Variants in HS6ST3 observed in about 807,000 individuals in gnomAD.
HS6ST3 encodes the protein heparan-sulfate 6-O-sulfotransferase 3.
HS6ST3 carries 12 observed loss-of-function variants against 36.7 expected under a neutral mutation model. The observed-to-expected ratio is 0.33, with a 90% confidence interval of 0.21 to 0.53. The LOEUF is 0.53. Among genes scored for constraint, HS6ST3 ranks in the 20% least tolerant of loss-of-function variants. The pLI is 0.95. For missense variants in HS6ST3, 584 were observed against 640.9 expected, an observed-to-expected ratio of 0.91 and a Z score of 0.96; for synonymous variants, 240 against 257.5, an observed-to-expected ratio of 0.93 and a Z score of 0.65.
At chr13:96,282,795 C>G (rs1051704725) in intron 1 of HS6ST3, among the ~76,000 whole-genome samples, 14 of 152,022 alleles carry the variant, frequency 9.2e-5, no homozygotes, top group African/African-American at 3.4e-4. Context: ...TCATGAAAAC[C>G]CGAGGCTGCA....
At chr13:96,752,492 T>C (rs1056351953) in intron 1 of HS6ST3, among the ~76,000 whole-genome samples, 1 of 152,214 alleles carries the variant, frequency 6.6e-6, no homozygotes, top group Admixed American at 6.5e-5. Context: ...ATTTTGCCTA[T>C]CTAGTGAATA....
At chr13:96,750,384 G>A (rs975639209) in intron 1 of HS6ST3, among the ~76,000 whole-genome samples, 1 of 152,196 alleles carries the variant, frequency 6.6e-6, no homozygotes, top group African/African-American at 2.4e-5. Context: ...TCCTGTCCCA[G>A]ACCACTCCTT....
At chr13:96,229,529 C>A (rs9590373) in intron 1 of HS6ST3, among the ~76,000 whole-genome samples, 75,297 of 151,962 alleles carry the variant, frequency 0.5, 18,806 homozygotes, top group Admixed American at 0.58. Context: ...GACAGGAAAC[C>A]CGCCCTCTAG....
At chr13:96,177,206 A>T (rs1238488756) in intron 1 of HS6ST3, among the ~76,000 whole-genome samples, 1 of 152,242 alleles carries the variant, frequency 6.6e-6, no homozygotes, top group Non-Finnish European at 1.5e-5. Flanking sequence ...TGTGGAAAGC[A>T]GTATGGCGAT....
rs138911292 is a variant in HS6ST3, at chr13:96,754,063, C to T, written c.708-78427C>T. Among the ~76,000 whole-genome samples, 612 of 152,264 alleles carry T rather than the reference C, an allele frequency of 4.0e-3. 3 individuals are homozygous for T. The highest frequency in any genetic ancestry group is 7.5e-3 in the Non-Finnish European group (510 of 68,006). ...CGAACTCCTGACCTCAAGTGATCCA[C>T]CTGCTTCGGCCTCCCAAAGTGCTGG... On this transcript the variant is annotated intron_variant, in intron 1 of 1. Transcript: ENST00000376705.
chr13:96,663,389 G>A (rs2056653171), intron 1 of HS6ST3, among the ~76,000 whole-genome samples: 1 of 152,124 alleles, frequency 6.6e-6, no homozygotes, highest in African/African-American at 2.4e-5. Context: ...TGGCTAATAA[G>A]TGCATAATAA....
At chr13:96,785,392 GATCAGTCAAA>G (rs1233193955) in intron 1 of HS6ST3, among the ~76,000 whole-genome samples, 44 of 151,780 alleles carry the variant, frequency 2.9e-4, no homozygotes, top group Admixed American at 2.9e-3. Context: ...AAATAACTCA[GATCAGTCAAA>G]ATCACACTTT....
intron 1 of HS6ST3, among the ~76,000 whole-genome samples, chr13:96,813,811 A>G (rs1335547553): frequency 6.6e-6 from 1 of 152,230 alleles, no homozygotes; most frequent in Admixed American, 6.5e-5. Flanking sequence ...AAACAAAAGA[A>G]TAGACACAGG....
intron 1 of HS6ST3, among the ~76,000 whole-genome samples, chr13:96,597,285 A>G (rs1292590162): frequency 6.6e-6 from 1 of 151,844 alleles, no homozygotes; most frequent in Non-Finnish European, 1.5e-5. Flanking sequence ...CACAAACGCT[A>G]TGACACAAGC....
chr13:96,210,281 TC>T (rs1234825029), intron 1 of HS6ST3, among the ~76,000 whole-genome samples: 1 of 152,256 alleles, frequency 6.6e-6, no homozygotes, highest in African/African-American at 2.4e-5. Context: ...TGCCAAAATT[TC>T]AAACATTGAA....
At chr13:96,519,755 AGT>A (rs1318892954) in intron 1 of HS6ST3, among the ~76,000 whole-genome samples, 2 of 152,228 alleles carry the variant, frequency 1.3e-5, no homozygotes, top group African/African-American at 2.4e-5. Context: ...TCTGTGACTC[AGT>A]GTAAAGAAGG....
At chr13:96,552,135 G>A (rs2056221716) in intron 1 of HS6ST3, among the ~76,000 whole-genome samples, 1 of 152,156 alleles carries the variant, frequency 6.6e-6, no homozygotes, top group African/African-American at 2.4e-5. Flanking sequence ...TGGTTTTGGA[G>A]CAATTCAGTG....
chr13:96,711,925 A>G (rs1219582882), intron 1 of HS6ST3, among the ~76,000 whole-genome samples: 1 of 152,240 alleles, frequency 6.6e-6, no homozygotes, highest in Non-Finnish European at 1.5e-5. Context: ...ATAAAGAATG[A>G]CATTGAATAT....
intron 1 of HS6ST3, among the ~76,000 whole-genome samples, chr13:96,269,165 C>T (rs2054707339): frequency 1.3e-5 from 2 of 151,754 alleles, no homozygotes; most frequent in East Asian, 1.9e-4. Flanking sequence ...TCAAGAGCCA[C>T]AGAATGAAAT....
At chr13:96,652,349 C>G (rs2056610388) in intron 1 of HS6ST3, among the ~76,000 whole-genome samples, 1 of 151,882 alleles carries the variant, frequency 6.6e-6, no homozygotes, top group African/African-American at 2.4e-5. Flanking sequence ...TTTCCTCTCC[C>G]CATTTTTCTT....
rs545202846 is a variant in HS6ST3, at chr13:96,212,830, T to C, written c.707+121261T>C. The stretch of plus-strand genomic sequence containing the variant: ...CTTCAGTGGTTGAAGAATTCTATTA[T>C]CATACATGGCAGACTCTACATGTTC... On this transcript the variant is annotated intron_variant, in intron 1 of 1. Transcript: ENST00000376705. Among the ~76,000 whole-genome samples, 9 of 152,186 alleles carry C rather than the reference T, an allele frequency of 5.9e-5. No individual in the cohort carries two copies. The South Asian group carries it at 1.7e-3, about 28-fold the overall frequency.
At chr13:96,464,823 A>AT in intron 1 of HS6ST3, among the ~76,000 whole-genome samples, 1 of 152,224 alleles carries the variant, frequency 6.6e-6, no homozygotes, top group South Asian at 2.1e-4. Context: ...TGATATATTG[A>AT]TTTTAGATTA....
chr13:96,093,055 G>A (rs1020156477), intron 1 of HS6ST3, among the ~76,000 whole-genome samples: 1 of 152,132 alleles, frequency 6.6e-6, no homozygotes, highest in Non-Finnish European at 1.5e-5. Context: ...TATTACTTCA[G>A]TGAGACACAA....
intron 1 of HS6ST3, among the ~76,000 whole-genome samples, chr13:96,292,092 G>T (rs1203489591): frequency 6.6e-6 from 1 of 152,018 alleles, no homozygotes; most frequent in Admixed American, 6.6e-5. Flanking sequence ...CCCATATCAT[G>T]GGATACTTTT....
Sources: gnomAD v4.1 joint callset for allele counts (sites outside exome capture counted in the v4.1 genomes callset) on GRCh38, gnomAD v4.1.1 for gene constraint, MANE v1.5 for transcripts, NCBI Gene and HGNC (gene_info 2026-07-23, HGNC 2026-07-21) for gene names.